Variants in DNAH8 observed in about 807,000 individuals in gnomAD.
DNAH8 encodes the protein axonemal beta dynein heavy chain 8.
In DNAH8, 382 loss-of-function variants were observed where a neutral mutation model predicts 562.1. That is an observed-to-expected ratio of 0.68 (90% confidence interval 0.63 to 0.74). DNAH8 has a LOEUF of 0.74. Among genes scored for constraint, DNAH8 ranks in the 30% least tolerant of loss-of-function variants. The pLI is 0.00. For synonymous variants in DNAH8, 1,881 were observed against 1,919.4 expected (o/e 0.98, Z 0.52); for missense variants, 5,203 against 5,620.4 (o/e 0.93, Z 2.37).
chr6:38,931,530 A>T (rs111373771), intron 75 of DNAH8, among the ~76,000 whole-genome samples: 1 of 152,168 alleles, frequency 6.6e-6, no homozygotes, highest in African/African-American at 2.4e-5. Flanking sequence ...AATCTTAGAT[A>T]TGTCTAAGTT....
In DNAH8 at chr6:38,973,726, G is replaced by A. The variant is rs59067570; in HGVS notation, c.12591G>A (p.Thr4197=). Residue 4197 remains threonine (T), a synonymous_variant, in exon 84 of 93, where the codon ACG becomes ACA. Transcript: ENST00000327475. ...AATTCATGGAAGAATTACTAGAGAC[G>A]CTAATTACCACTGAAGCCAGTGATG... ...GLEFMEELLE[T]LITTEASDDS... is the part of the protein sequence containing the mutation. The A allele has an allele frequency of 9.3e-4, 1,496 of 1,609,944 alleles. 12 individuals carry two copies. The African/African-American group carries it at 0.017, about 18-fold the overall frequency.
At chr6:38,802,401 A>T (rs1386997459) in intron 21 of DNAH8, among the ~76,000 whole-genome samples, 1 of 152,212 alleles carries the variant, frequency 6.6e-6, no homozygotes, top group African/African-American at 2.4e-5. Context: ...AAGACACTGC[A>T]TCCAACTACT....
At chr6:38,786,415 A>G (rs976721084) in intron 17 of DNAH8, among the ~76,000 whole-genome samples, 1 of 152,230 alleles carries the variant, frequency 6.6e-6, no homozygotes, top group African/African-American at 2.4e-5. Flanking sequence ...GATTCTAACC[A>G]TCTTCTGGTT....
intron 85 of DNAH8, among the ~76,000 whole-genome samples, chr6:38,975,810 C>T (rs1322659066): frequency 3.3e-5 from 5 of 152,182 alleles, no homozygotes; most frequent in African/African-American, 1.2e-4. Flanking sequence ...ATTTCATTCC[C>T]AATTCACAAA....
At chr6:38,763,677 C>G (rs150630567) in intron 11 of DNAH8, 2 of 170,884 alleles carry the variant, frequency 1.2e-5, no homozygotes, top group South Asian at 1.6e-4. Flanking sequence ...TGTGTTGGTG[C>G]GCACCTGTAG....
chr6:38,847,576 C>A (rs111835107), intron 36 of DNAH8, among the ~76,000 whole-genome samples: 1,609 of 152,164 alleles, frequency 0.011, 10 homozygotes, highest in Middle Eastern at 0.024. Flanking sequence ...TCATGTATAA[C>A]ATAGGCTTTC....
At chr6:38,919,872 T>C (rs947096485) in intron 70 of DNAH8, among the ~76,000 whole-genome samples, 4 of 152,114 alleles carry the variant, frequency 2.6e-5, no homozygotes, top group African/African-American at 9.7e-5. Flanking sequence ...AGTTAAAGTA[T>C]ATACTCACTC....
At chr6:38,826,799 A>G (rs1034344498) in intron 29 of DNAH8, among the ~76,000 whole-genome samples, 1 of 152,234 alleles carries the variant, frequency 6.6e-6, no homozygotes, top group African/African-American at 2.4e-5. Context: ...CACAGGCAGT[A>G]TGGCAGAAAC....
intron 6 of DNAH8, among the ~76,000 whole-genome samples, chr6:38,737,509 TA>T (rs1158322049): frequency 6.6e-6 from 1 of 151,606 alleles, no homozygotes; most frequent in Non-Finnish European, 1.5e-5. Context: ...TTCACCATAT[TA>T]AAATATATAC....
At chr6:38,985,796 C>T (rs1372122576) in intron 87 of DNAH8, among the ~76,000 whole-genome samples, 1 of 152,192 alleles carries the variant, frequency 6.6e-6, no homozygotes, top group African/African-American at 2.4e-5. Context: ...TCAAGTGCCT[C>T]CTCCCCAGCC....
intron 6 of DNAH8, 89 bp from the exon 7 acceptor site, chr6:38,737,716 TCTTA>T: frequency 1.8e-6 from 1 of 544,180 alleles, no homozygotes; most frequent in Non-Finnish European, 2.6e-6. Context: ...ATTAAATACT[TCTTA>T]CTATTAAATA....
rs1475322848 is a variant in DNAH8 at position 38,918,113 on chromosome 6, C to A, written c.10497C>A (p.Gly3499=). Residue 3499 remains glycine (G), a synonymous_variant, in exon 70 of 93, where the codon GGC becomes GGA. Transcript: ENST00000327475. ...CACTTGCTATGGCAATATTTTATGGCATCAATAGAGAAGTGTTGCCTCTGA... is the reference window on the plus strand; with the variant it reads ...CACTTGCTATGGCAATATTTTATGGAATCAATAGAGAAGTGTTGCCTCTGA... ...SWTLAMAIFY[G]INREVLPLKA... is the part of the protein sequence containing the mutation. 3.1e-6 allele frequency: 5 copies of A among 1,612,980 alleles called. No homozygotes were observed. The highest frequency in any genetic ancestry group is 4.2e-6 in the Non-Finnish European group (5 of 1,179,472).
chr6:38,851,545 G>A (rs765668272), intron 38 of DNAH8, 27 bp from the exon 39 acceptor site: 4 of 1,456,704 alleles, frequency 2.7e-6, no homozygotes, highest in South Asian at 1.2e-5. Flanking sequence ...AAACCACTTG[G>A]TAACATACTG....
At chr6:38,749,942 C>T (rs1425778909) in intron 8 of DNAH8, among the ~76,000 whole-genome samples, 1 of 152,220 alleles carries the variant, frequency 6.6e-6, no homozygotes, top group Non-Finnish European at 1.5e-5. Flanking sequence ...ATGCCATTCT[C>T]CTGCCTCAGC....
At chr6:38,854,176 A>G (rs1775995949) in intron 41 of DNAH8, among the ~76,000 whole-genome samples, 1 of 152,186 alleles carries the variant, frequency 6.6e-6, no homozygotes, top group African/African-American at 2.4e-5. Flanking sequence ...AGCAATTAAA[A>G]ATGGACATAA....
At chr6:38,757,271 G>A (rs1342537388) in intron 10 of DNAH8, among the ~76,000 whole-genome samples, 2 of 152,130 alleles carry the variant, frequency 1.3e-5, no homozygotes, top group Non-Finnish European at 2.9e-5. Flanking sequence ...CTGATGGCCA[G>A]TGATGATGAG....
At position 38,807,622 on chromosome 6, in the gene DNAH8, G is replaced by T. The variant is rs752902011; in HGVS notation, c.3163G>T (p.Val1055Phe). Reference protein sequence around the residue: ...EDEFKKECKEVFAFFSHQLLD... With the variant: ...EDEFKKECKEFFAFFSHQLLD... ...TTTCTTATTACAGGAGTGTAAAGAG[G>T]TCTTTGCTTTTTTCTCTCATCAATT... The change falls in exon 24 of 93, where the codon GTC becomes TTC. Residue 1055 changes from valine to phenylalanine, a missense_variant. Physicochemically the swap from Val to Phe is conservative, Grantham distance 50. Coordinates refer to ENST00000327475, the MANE Select transcript of DNAH8 (RefSeq NM_001206927.2). 3 of 1,534,322 alleles carry T rather than the reference G, an allele frequency of 2.0e-6. No homozygotes were observed. The highest frequency in any genetic ancestry group is 1.4e-5 in the South Asian group (1 of 73,340).
chr6:39,006,091 C>G lies in DNAH8; in HGVS notation c.13215-2723C>G, dbSNP rs190602748. ...ATCTCGAGGAAGTTAATTCTGCCAA[C>G]AACCCAAATAAGCAAGGAAATGGAT... On this transcript the variant is annotated intron_variant, in intron 88 of 92. Transcript: ENST00000327475. Among the ~76,000 whole-genome samples the G allele has an allele frequency of 2.6e-3, 397 of 152,372 alleles. 2 individuals carry two copies. Among genetic ancestry groups the G allele is most frequent in the African/African-American group, 8.7e-3 (360 of 41,580 alleles).
chr6:38,915,454 A>C, intron 68 of DNAH8, 77 bp downstream of exon 68: 1 of 1,176,754 alleles, frequency 8.5e-7, no homozygotes, highest in Non-Finnish European at 1.1e-6. Context: ...TTAACTCATC[A>C]GAAAACTGAA....
Sources: gnomAD v4.1 joint callset for allele counts (sites outside exome capture counted in the v4.1 genomes callset) on GRCh38, gnomAD v4.1.1 for gene constraint, MANE v1.5 for transcripts, NCBI Gene and HGNC (gene_info 2026-07-23, HGNC 2026-07-21) for gene names.